ATP8B4: variants seen among roughly 807,000 people sequenced by gnomAD.
The protein encoded by ATP8B4 is ATPase phospholipid transporting 8B4 (putative).
A neutral mutation model predicts 145.6 loss-of-function variants in ATP8B4; 133 were observed. The ratio of observed to expected loss-of-function variants is 0.91; its 90% CI spans 0.79 to 1.05. The LOEUF (loss-of-function observed/expected upper bound fraction) is 1.05. Ranked by LOEUF, ATP8B4 falls within the 50% of genes least tolerant of loss-of-function variation. ATP8B4 has a pLI of 0.00. For missense variants in ATP8B4, 1,458 were observed against 1,425.2 expected, an observed-to-expected ratio of 1.02 and a Z score of -0.37; for synonymous variants, 507 against 492.9, an observed-to-expected ratio of 1.03 and a Z score of -0.38.
chr15:50,141,457 G>T (rs2044208286), intron 1 of ATP8B4, among the ~76,000 whole-genome samples: 1 of 152,088 alleles, frequency 6.6e-6, no homozygotes, highest in African/African-American at 2.4e-5. Flanking sequence ...GGCAATCAGG[G>T]CAGGGTTCTT....
chr15:49,916,819 CTAAGT>C (rs1342858897), intron 20 of ATP8B4, 110 bp downstream of exon 20: 1 of 914,262 alleles, frequency 1.1e-6, no homozygotes, highest in Non-Finnish European at 1.6e-6. Flanking sequence ...GAACTTTATA[CTAAGT>C]TAAGACCACA....
At chr15:49,977,983 T>C (rs1397009054) in intron 12 of ATP8B4, among the ~76,000 whole-genome samples, 3 of 152,068 alleles carry the variant, frequency 2.0e-5, no homozygotes, top group African/African-American at 4.8e-5. Flanking sequence ...GTTTGGACAA[T>C]TATAAATACG....
At position 49,862,615 on chromosome 15, in the gene ATP8B4, C is replaced by T. The variant is rs1481659706; in HGVS notation, c.3167-240G>A. ...GGGACTACAGGTGCCCGCCACCACG[C>T]CCGGCTAATTTTTTTTGTATTTTTG... On this transcript the variant is annotated intron_variant, in intron 26 of 27. Transcript: ENST00000284509. Among the ~76,000 whole-genome samples the T allele has an allele frequency of 2.6e-5, 4 of 152,194 alleles. No homozygotes were observed. In the East Asian group the frequency reaches 7.8e-4, roughly 29 times the overall value.
intron 1 of ATP8B4, among the ~76,000 whole-genome samples, chr15:50,136,048 G>A (rs963837288): frequency 2.0e-5 from 3 of 152,226 alleles, no homozygotes; most frequent in East Asian, 3.9e-4. Flanking sequence ...AAATGCACAC[G>A]AGTAGCAGCA....
intron 14 of ATP8B4, among the ~76,000 whole-genome samples, chr15:49,954,750 T>A (rs1318082681): frequency 6.6e-6 from 1 of 152,166 alleles, no homozygotes; most frequent in Non-Finnish European, 1.5e-5. Flanking sequence ...CCAGCCACTG[T>A]GGAGAGCCAT....
intron 1 of ATP8B4, among the ~76,000 whole-genome samples, chr15:50,135,572 T>C (rs998199644): frequency 1.3e-5 from 2 of 152,114 alleles, no homozygotes; most frequent in Non-Finnish European, 2.9e-5. Context: ...AAACTAAGTA[T>C]GGGGAACAAA....
chr15:50,176,035 TAGAGAG>T (rs779235358), intron 1 of ATP8B4, among the ~76,000 whole-genome samples: 1 of 150,602 alleles, frequency 6.6e-6, no homozygotes, highest in Non-Finnish European at 1.5e-5. Context: ...TATCATAGTA[TAGAGAG>T]AGTGTATATA....
At chr15:50,100,963 A>G (rs2056318470) in intron 2 of ATP8B4, among the ~76,000 whole-genome samples, 1 of 152,236 alleles carries the variant, frequency 6.6e-6, no homozygotes, top group Admixed American at 6.5e-5. Context: ...TGTGCCAAAA[A>G]TGTTTAACCC....
At chr15:50,110,492 A>T (rs924002327) in intron 1 of ATP8B4, among the ~76,000 whole-genome samples, 3 of 152,256 alleles carry the variant, frequency 2.0e-5, no homozygotes, top group Non-Finnish European at 4.4e-5. Context: ...CTTTTGGAAC[A>T]GTAAAGATCT....
Position 50,038,820 on chromosome 15 carries a change from T to C in ATP8B4, c.310A>G (p.Lys104Glu), listed in dbSNP as rs2051040854. ...CGATTATTCACTTGATTATCACTCT[T>C]GTGGCGAAACTGAAAAATCAAAGTG... ...KDATDDYFRH[K>E]SDNQVNNRQS... Residue 104 changes from lysine (K) to glutamate (E), a missense_variant, in exon 6 of 28, where the codon AAG (lysine) becomes GAG (glutamate). Physicochemically the swap from Lys to Glu is moderately conservative, Grantham distance 56 (BLOSUM62 1). Transcript: ENST00000284509. 4.3e-6 allele frequency: 7 copies of C among 1,613,462 alleles called. No homozygotes were observed. Among genetic ancestry groups the C allele is most frequent in the South Asian group, 1.1e-5 (1 of 91,056 alleles).
chr15:49,870,213 C>T (rs1258804801), intron 25 of ATP8B4, among the ~76,000 whole-genome samples: 1 of 151,984 alleles, frequency 6.6e-6, no homozygotes, highest in Non-Finnish European at 1.5e-5. Flanking sequence ...GGAAAGCTGA[C>T]CAGAATATCT....
chr15:50,115,886 T>C (rs1276592146), intron 1 of ATP8B4, among the ~76,000 whole-genome samples: 1 of 152,208 alleles, frequency 6.6e-6, no homozygotes, highest in Non-Finnish European at 1.5e-5. Flanking sequence ...TGGTTGCTCC[T>C]GCAGGTTGCG....
chr15:49,958,507 A>G (rs764005028), intron 14 of ATP8B4, among the ~76,000 whole-genome samples: 10 of 151,764 alleles, frequency 6.6e-5, no homozygotes, highest in Non-Finnish European at 1.5e-4. Context: ...TAAACTATTT[A>G]CTAACATAAT....
At chr15:49,981,855 G>A (rs528332437) in intron 10 of ATP8B4, among the ~76,000 whole-genome samples, 1 of 152,178 alleles carries the variant, frequency 6.6e-6, no homozygotes, top group African/African-American at 2.4e-5. Flanking sequence ...GTAAAGACAA[G>A]AACTGTCTTA....
chr15:49,898,209 G>A lies in ATP8B4; in HGVS notation c.2332C>T (p.Leu778Phe), dbSNP rs1434784093. 6.2e-7 allele frequency: 1 copy of A among 1,613,802 alleles called. No individual in the cohort carries two copies. Among genetic ancestry groups the A allele is most frequent in the Non-Finnish European group, 8.5e-7 (1 of 1,179,838 alleles). The change falls in exon 22 of 28, where the codon CTT becomes TTT. Residue 778 changes from leucine to phenylalanine, a missense_variant. By Grantham distance (22) the Leu-to-Phe change is conservative. Transcript: ENST00000284509. The part of the protein sequence containing the change: ...ESDVKNDLLE[L>F]ACMCKTVICC... ...ATTACAGTCTTACACATGCAAGCAA[G>A]TTCTAGGAGATCATTCTTGACATCA... is the stretch of plus-strand genomic sequence containing the variant.
intron 1 of ATP8B4, among the ~76,000 whole-genome samples, chr15:50,170,067 T>C (rs902213928): frequency 6.6e-6 from 1 of 152,072 alleles, no homozygotes; most frequent in Admixed American, 6.5e-5. Flanking sequence ...TCAGTGTACC[T>C]GAGGAAGAAG....
intron 24 of ATP8B4, among the ~76,000 whole-genome samples, chr15:49,877,159 A>G (rs2034576392): frequency 6.6e-6 from 1 of 152,206 alleles, no homozygotes; most frequent in Non-Finnish European, 1.5e-5. Flanking sequence ...ACAGAATGAG[A>G]AGGTGGCACA....
At chr15:50,078,056 G>A (rs1007726817) in intron 2 of ATP8B4, among the ~76,000 whole-genome samples, 1 of 152,114 alleles carries the variant, frequency 6.6e-6, no homozygotes, top group Non-Finnish European at 1.5e-5. Flanking sequence ...GCACAAAAAA[G>A]AGGGATCCAA....
At chr15:50,000,830 T>C (rs1217028698) in intron 8 of ATP8B4, among the ~76,000 whole-genome samples, 2 of 152,164 alleles carry the variant, frequency 1.3e-5, no homozygotes, top group Non-Finnish European at 1.5e-5. Context: ...AAGCTTTTTA[T>C]ACTTTACATT....
Sources: gnomAD v4.1 joint callset for allele counts (sites outside exome capture counted in the v4.1 genomes callset) on GRCh38, gnomAD v4.1.1 for gene constraint, MANE v1.5 for transcripts, NCBI Gene and HGNC (gene_info 2026-07-23, HGNC 2026-07-21) for gene names.